RIMS1: variants seen among roughly 807,000 people sequenced by gnomAD.
The protein encoded by RIMS1 is regulating synaptic membrane exocytosis protein 1.
A neutral mutation model predicts 214.1 loss-of-function variants in RIMS1; 83 were observed. The ratio of observed to expected loss-of-function variants is 0.39; its 90% CI spans 0.32 to 0.47. The LOEUF (loss-of-function observed/expected upper bound fraction) is 0.47. Ranked by LOEUF, RIMS1 falls within the 20% of genes least tolerant of loss-of-function variation. The pLI, the probability that RIMS1 is intolerant of heterozygous loss-of-function variation, is 0.99. For missense variants in RIMS1, 2,050 were observed against 2,161.8 expected (o/e 0.95, Z 1.03); for synonymous variants, 793 against 786.8 (o/e 1.01, Z -0.13).
chr6:72,277,507 G>A (rs2087158849), intron 23 of RIMS1, among the ~76,000 whole-genome samples: 2 of 152,092 alleles, frequency 1.3e-5, no homozygotes, highest in South Asian at 2.1e-4. Context: ...GCGTGAACCC[G>A]GGAGGCGGAG....
chr6:71,938,216 G>A (rs1300820121), intron 1 of RIMS1, among the ~76,000 whole-genome samples: 1 of 152,168 alleles, frequency 6.6e-6, no homozygotes, highest in Admixed American at 6.5e-5. Context: ...CACACTGAGG[G>A]GGTAGGTTGG....
intron 4 of RIMS1, among the ~76,000 whole-genome samples, chr6:72,110,077 C>A (rs2035718816): frequency 1.3e-5 from 2 of 152,062 alleles, no homozygotes. Flanking sequence ...GTTTTGGTAC[C>A]AGTAGCATGC....
intron 2 of RIMS1, among the ~76,000 whole-genome samples, chr6:72,054,276 C>CATAATATTCCATAATATTCCAT (rs1175146024): frequency 6.6e-6 from 1 of 152,146 alleles, no homozygotes; most frequent in African/African-American, 2.4e-5. Flanking sequence ...TTCATGGCTG[C>CATAATATTCCATAATATTCCAT]ATAATATTCC....
Position 72,038,698 on chromosome 6 carries a change from C to G in RIMS1, c.246-58251C>G, listed in dbSNP as rs141733876. On this transcript the variant is annotated intron_variant, in intron 2 of 33. Coordinates refer to ENST00000521978, the MANE Select transcript of RIMS1 (RefSeq NM_014989.7). ...TAGCGTCAGTAACAGATAGCCCCAA[C>G]TGCATATTTTGTTCCTCAAAGGAAG... 3.5e-3 allele frequency among the ~76,000 whole-genome samples: 536 copies of G among 152,252 alleles called. 2 individuals are homozygous for G. The highest frequency in any genetic ancestry group is 0.012 in the African/African-American group (513 of 41,562).
intron 29 of RIMS1, among the ~76,000 whole-genome samples, chr6:72,367,243 T>C (rs2098065288): frequency 6.6e-6 from 1 of 152,182 alleles, no homozygotes; most frequent in South Asian, 2.1e-4. Context: ...CATAAAGTTA[T>C]ATTTTTCTTT....
intron 4 of RIMS1, among the ~76,000 whole-genome samples, chr6:72,163,288 A>C (rs1238953501): frequency 9.3e-5 from 13 of 139,424 alleles, no homozygotes; most frequent in African/African-American, 3.2e-4. Flanking sequence ...CCATTTGTCT[A>C]ATTTTTTTTC....
At chr6:72,229,317 A>G (rs2061256044) in intron 6 of RIMS1, among the ~76,000 whole-genome samples, 1 of 151,926 alleles carries the variant, frequency 6.6e-6, no homozygotes, top group Admixed American at 6.6e-5. Flanking sequence ...TTTGACAATA[A>G]TTCAATCATG....
intron 29 of RIMS1, among the ~76,000 whole-genome samples, chr6:72,339,190 A>C (rs1275843822): frequency 6.6e-6 from 1 of 151,884 alleles, no homozygotes; most frequent in Non-Finnish European, 1.5e-5. Context: ...AAGCCTGAGC[A>C]TAAAAACACA....
chr6:72,011,824 G>T (rs950417781), intron 2 of RIMS1, among the ~76,000 whole-genome samples: 2 of 152,128 alleles, frequency 1.3e-5, no homozygotes, highest in African/African-American at 4.8e-5. Flanking sequence ...AAAAAGTCAG[G>T]AAACAACAGG....
At chr6:72,148,615 T>G in intron 4 of RIMS1, 1 of 456,792 alleles carries the variant, frequency 2.2e-6, no homozygotes, top group Non-Finnish European at 4.4e-6. Flanking sequence ...CCTCCTTCCA[T>G]GAAGTGGGGA....
chr6:72,290,023 A>G (rs1320613551), intron 24 of RIMS1, among the ~76,000 whole-genome samples: 1 of 152,178 alleles, frequency 6.6e-6, no homozygotes, highest in African/African-American at 2.4e-5. Context: ...ATACATTTTC[A>G]GGTATTGTTA....
chr6:72,074,407 T>A (rs1041291143), intron 2 of RIMS1, among the ~76,000 whole-genome samples: 1 of 152,226 alleles, frequency 6.6e-6, no homozygotes, highest in Non-Finnish European at 1.5e-5. Context: ...CTCATGCCTG[T>A]AATCCCAGCA....
intron 2 of RIMS1, among the ~76,000 whole-genome samples, chr6:71,970,896 A>T (rs1795685100): frequency 6.6e-6 from 1 of 152,242 alleles, no homozygotes; most frequent in African/African-American, 2.4e-5. Flanking sequence ...AAAGGACAAA[A>T]ATAAATTGGG....
intron 22 of RIMS1, among the ~76,000 whole-genome samples, chr6:72,271,022 C>T (rs572582834): frequency 1.3e-5 from 2 of 152,008 alleles, no homozygotes; most frequent in African/African-American, 2.4e-5. Flanking sequence ...AATCCCAGCA[C>T]TTTGGGAGGC....
chr6:72,029,542 G>A (rs908808218), intron 2 of RIMS1, among the ~76,000 whole-genome samples: 3 of 152,108 alleles, frequency 2.0e-5, no homozygotes, highest in African/African-American at 7.2e-5. Flanking sequence ...ACCAGACACT[G>A]AATTTGTTGG....
chr6:72,192,983 T>C (rs977155945), intron 6 of RIMS1, among the ~76,000 whole-genome samples: 6 of 152,228 alleles, frequency 3.9e-5, no homozygotes, highest in African/African-American at 9.6e-5. Flanking sequence ...TCCAATAAAG[T>C]TAACACTCAG....
Position 72,126,180 on chromosome 6 carries a change from C to T in RIMS1, c.471+26194C>T, listed in dbSNP as rs551519187. Among the ~76,000 whole-genome samples the T allele has an allele frequency of 2.8e-4, 43 of 152,196 alleles. No individual in the cohort carries two copies. In the East Asian group the frequency reaches 7.9e-3, roughly 28 times the overall value. The stretch of plus-strand genomic sequence containing the variant: ...AAGAACAAAAATTGGAGAAAGGCAC[C>T]CTGTTCAATAAATGGTACTGGGAAA... On this transcript the variant is annotated intron_variant, in intron 4 of 33. Transcript: ENST00000521978.
At chr6:72,324,459 A>G (rs539253167) in intron 28 of RIMS1, among the ~76,000 whole-genome samples, 3 of 152,030 alleles carry the variant, frequency 2.0e-5, no homozygotes, top group Admixed American at 2.0e-4. Flanking sequence ...ATAGTTGAAA[A>G]AATGTGGAAT....
rs958797096 is a variant in RIMS1 at position 72,278,199 on chromosome 6, A to C, written c.3482+3767A>C. 4.4e-4 allele frequency among the ~76,000 whole-genome samples: 62 copies of C among 141,460 alleles called. 1 individual carries two copies. Among genetic ancestry groups the C allele is most frequent in the African/African-American group, 1.0e-3 (40 of 39,508 alleles). The allele number at this position is 141,460 out of a possible 152,430, so 92.8% of individuals were successfully genotyped here. ...TCTATCTATCTATCTATCTATCTAT[A>C]TATGATTTTTAAGGGTACAATTTAG... is the stretch of plus-strand genomic sequence containing the variant. On this transcript the variant is annotated intron_variant, in intron 23 of 33. Transcript: ENST00000521978.
Sources: allele counts gnomAD v4.1 joint callset (sites outside exome capture counted in the v4.1 genomes callset), GRCh38; gene constraint gnomAD v4.1.1; transcripts MANE v1.5; gene names NCBI Gene and HGNC (gene_info 2026-07-23, HGNC 2026-07-21).